CDK14: variants seen among roughly 807,000 people sequenced by gnomAD.
The protein encoded by CDK14 is cyclin dependent kinase 14, also known as cyclin-dependent kinase 14.
CDK14 carries 34 observed loss-of-function variants against 60.7 expected under a neutral mutation model. That is an observed-to-expected ratio of 0.56 (90% confidence interval 0.43 to 0.75). CDK14 has a LOEUF of 0.75. CDK14 is among the 30% of genes least tolerant of loss of function. CDK14 has a pLI of 0.00. For missense variants in CDK14, 482 were observed against 564.1 expected (o/e 0.85, Z 1.47); for synonymous variants, 197 against 203.7 (o/e 0.97, Z 0.28).
intron 14 of CDK14, among the ~76,000 whole-genome samples, chr7:91,161,059 C>T (rs1003514199): frequency 2.6e-5 from 4 of 152,192 alleles, no homozygotes; most frequent in African/African-American, 7.2e-5. Flanking sequence ...CTTGGAAAGG[C>T]GTATCAGCAG....
intron 5 of CDK14, among the ~76,000 whole-genome samples, chr7:90,795,561 A>AAGT (rs1196277917): frequency 1.3e-5 from 2 of 151,986 alleles, no homozygotes; most frequent in Non-Finnish European, 2.9e-5. Context: ...AAGGCAAAAA[A>AAGT]AGTAGTAAAA....
rs1562752178 is a variant in CDK14 at position 90,750,192 on chromosome 7, AC to A, written c.464+2418del. On this transcript the variant is annotated intron_variant, in intron 4 of 14. Coordinates refer to ENST00000380050, the MANE Select transcript of CDK14 (RefSeq NM_001287135.2). ...CACACACACACACACACACACACAC[AC>A]ACACACACCAATAATATTACAGAGA... Among the ~76,000 whole-genome samples, 915 of 97,782 alleles carry A rather than the reference AC, an allele frequency of 9.4e-3. 20 individuals are homozygous for A. The highest frequency in any genetic ancestry group is 0.028 in the African/African-American group (807 of 29,296). 64.1% of individuals were successfully genotyped at this position (97,782 alleles called of 152,430 possible). A position where few individuals can be genotyped will look rare whatever the true frequency, so the allele number is the denominator to read the frequency against.
intron 12 of CDK14, among the ~76,000 whole-genome samples, chr7:91,106,981 G>A (rs1190398373): frequency 6.6e-6 from 1 of 152,210 alleles, no homozygotes; most frequent in Non-Finnish European, 1.5e-5. Context: ...AGCTCCATGA[G>A]AGGGGTTAAC....
chr7:91,090,137 GC>G (rs1798757878), intron 12 of CDK14, among the ~76,000 whole-genome samples: 1 of 152,056 alleles, frequency 6.6e-6, no homozygotes, highest in Non-Finnish European at 1.5e-5. Flanking sequence ...TCCTTCCTTT[GC>G]CTGCCTCACA....
At chr7:91,189,106 CAAA>C in intron 14 of CDK14, among the ~76,000 whole-genome samples, 1 of 152,234 alleles carries the variant, frequency 6.6e-6, no homozygotes, top group Admixed American at 6.5e-5. Flanking sequence ...AAAAAATCAA[CAAA>C]ATAATTTAAT....
rs184453578 is a variant in CDK14, at chr7:91,161,892, A to G, written c.*28+43684A>G. Among the ~76,000 whole-genome samples the G allele has an allele frequency of 1.8e-4, 27 of 152,368 alleles. No individual in the cohort carries two copies. The East Asian group carries it at 5.0e-3, about 28-fold the overall frequency. On this transcript the variant is annotated intron_variant, in intron 14 of 14. Transcript: ENST00000380050. ...CCTCATTTGTGAATCAATAATTTCT[A>G]ATAAAGTTCATGAAATGGCATGTCA...
At chr7:91,190,307 A>G (rs917174180) in intron 14 of CDK14, among the ~76,000 whole-genome samples, 3 of 152,192 alleles carry the variant, frequency 2.0e-5, no homozygotes, top group African/African-American at 7.2e-5. Context: ...ATGGATGCAC[A>G]CATTTCATTG....
At position 90,813,118 on chromosome 7, in the gene CDK14, T is replaced by C. The variant is rs1302246022; in HGVS notation, c.544+22466T>C. On this transcript the variant is annotated intron_variant, in intron 5 of 14. Coordinates refer to ENST00000380050, the MANE Select transcript of CDK14 (RefSeq NM_001287135.2). ...TAACATGTTTGAACCTCATAAACAC[T>C]GTGCTAAGTTAAATAACACTTGGTT... Among the ~76,000 whole-genome samples the C allele has an allele frequency of 4.6e-5, 7 of 152,306 alleles. No individual in the cohort carries two copies. In the East Asian group the frequency reaches 1.3e-3, roughly 29 times the overall value.
chr7:90,747,132 A>G (rs756739), intron 3 of CDK14, among the ~76,000 whole-genome samples: 28,879 of 152,188 alleles, frequency 0.19, 2,868 homozygotes, highest in South Asian at 0.24. Flanking sequence ...TTTGATTTTC[A>G]TATTATTTTC....
intron 10 of CDK14, among the ~76,000 whole-genome samples, chr7:91,027,746 G>A (rs917431991): frequency 7.4e-6 from 1 of 134,470 alleles, no homozygotes; most frequent in Non-Finnish European, 1.6e-5. Flanking sequence ...GGGCTTTAGT[G>A]GTGAAATCTG....
chr7:90,966,345 T>A (rs962128036), intron 9 of CDK14, among the ~76,000 whole-genome samples: 6 of 152,178 alleles, frequency 3.9e-5, no homozygotes, highest in Non-Finnish European at 8.8e-5. Context: ...CATTAAGCAC[T>A]ATAAATCTAT....
At chr7:90,621,922 C>T (rs1377601518) in intron 2 of CDK14, among the ~76,000 whole-genome samples, 1 of 152,192 alleles carries the variant, frequency 6.6e-6, no homozygotes, top group Non-Finnish European at 1.5e-5. Context: ...ACACGGCCCT[C>T]ACGCCAGTTT....
At chr7:90,948,025 T>C (rs577057454) in intron 8 of CDK14, among the ~76,000 whole-genome samples, 1 of 152,308 alleles carries the variant, frequency 6.6e-6, no homozygotes, top group East Asian at 1.9e-4. Flanking sequence ...ATGTTTTGAG[T>C]ATATATTAAT....
chr7:91,170,844 G>GT (rs1801494071), intron 14 of CDK14, among the ~76,000 whole-genome samples: 4 of 142,894 alleles, frequency 2.8e-5, no homozygotes, highest in Non-Finnish European at 6.0e-5. Flanking sequence ...TCAGCTCACT[G>GT]CAACCTCCAC....
chr7:91,064,502 T>C (rs697417), intron 11 of CDK14, among the ~76,000 whole-genome samples: 16,668 of 152,270 alleles, frequency 0.11, 1,138 homozygotes, highest in Middle Eastern at 0.15. Context: ...AGTGAGTTCA[T>C]ATTTGCAAAC....
intron 14 of CDK14, among the ~76,000 whole-genome samples, chr7:91,163,834 T>G (rs545285214): frequency 6.6e-6 from 1 of 152,260 alleles, no homozygotes; most frequent in South Asian, 2.1e-4. Flanking sequence ...TGAAAAAAAT[T>G]CTGGAAAAAT....
chr7:91,057,230 T>A (rs935965619), intron 11 of CDK14, among the ~76,000 whole-genome samples: 1 of 152,204 alleles, frequency 6.6e-6, no homozygotes, highest in Non-Finnish European at 1.5e-5. Flanking sequence ...TCTGTTCATA[T>A]CCTTCGCCCA....
At chr7:90,637,385 G>A (rs1192599577) in intron 2 of CDK14, among the ~76,000 whole-genome samples, 2 of 152,008 alleles carry the variant, frequency 1.3e-5, no homozygotes, top group East Asian at 1.9e-4. Flanking sequence ...CCTTCATTTC[G>A]TTATGTACCC....
chr7:91,127,896 A>G (rs149616775), intron 14 of CDK14, among the ~76,000 whole-genome samples: 1 of 152,320 alleles, frequency 6.6e-6, no homozygotes, highest in East Asian at 1.9e-4. Context: ...TAAACTCCAA[A>G]TTAAAGGCTT....
Sources: allele counts gnomAD v4.1 joint callset (sites outside exome capture counted in the v4.1 genomes callset), GRCh38; gene constraint gnomAD v4.1.1; transcripts MANE v1.5; gene names NCBI Gene and HGNC (gene_info 2026-07-23, HGNC 2026-07-21).